Variants in KIF13B observed in about 807,000 individuals in gnomAD.
KIF13B encodes the protein kinesin-like protein KIF13B.
KIF13B carries 127 observed loss-of-function variants against 222.0 expected under a neutral mutation model. The ratio of observed to expected loss-of-function variants is 0.57; its 90% confidence interval spans 0.50 to 0.66. KIF13B has a LOEUF of 0.66. Among genes scored for constraint, KIF13B ranks in the 30% least tolerant of loss-of-function variants. KIF13B has a pLI of 0.00. For missense variants in KIF13B, 2,173 were observed against 2,379.0 expected (o/e 0.91, Z 1.80); for synonymous variants, 976 against 919.0 (o/e 1.06, Z -1.12).
At chr8:29,099,795 C>G (rs1374540304) in intron 35 of KIF13B, among the ~76,000 whole-genome samples, 1 of 149,092 alleles carries the variant, frequency 6.7e-6, no homozygotes, top group African/African-American at 2.5e-5. Context: ...CCATTAAGCT[C>G]TGTCCTAACA....
intron 37 of KIF13B, among the ~76,000 whole-genome samples, chr8:29,084,580 G>A (rs1479220886): frequency 6.6e-6 from 1 of 152,112 alleles, no homozygotes; most frequent in Non-Finnish European, 1.5e-5. Flanking sequence ...AAGACAGGCC[G>A]GCATTGTGAC....
At chr8:29,192,847 C>T (rs1813246956) in intron 3 of KIF13B, among the ~76,000 whole-genome samples, 1 of 151,910 alleles carries the variant, frequency 6.6e-6, no homozygotes, top group African/African-American at 2.4e-5. Context: ...GGTTTTGAAA[C>T]CAAGAGTGCT....
chr8:29,158,074 G>A (rs1364106982), intron 13 of KIF13B, among the ~76,000 whole-genome samples: 1 of 152,028 alleles, frequency 6.6e-6, no homozygotes, highest in Admixed American at 6.6e-5. Flanking sequence ...TGTTTCCTCC[G>A]TCTGAAATGT....
chr8:29,099,609 C>T (rs1239125017), intron 35 of KIF13B, among the ~76,000 whole-genome samples: 1 of 152,150 alleles, frequency 6.6e-6, no homozygotes, highest in African/African-American at 2.4e-5. Context: ...CAGCATCAAG[C>T]AATCCTCCTT....
chr8:29,251,470 T>C (rs11136061), intron 1 of KIF13B, among the ~76,000 whole-genome samples: 43,186 of 152,006 alleles, frequency 0.28, 7,782 homozygotes, highest in East Asian at 0.64. Context: ...TTCTGACGCA[T>C]CATATCATGA....
intron 2 of KIF13B, among the ~76,000 whole-genome samples, chr8:29,239,640 A>C (rs1815671365): frequency 6.6e-6 from 1 of 152,030 alleles, no homozygotes; most frequent in Non-Finnish European, 1.5e-5. Flanking sequence ...ACATTACACA[A>C]TATACCCTTG....
At chr8:29,178,477 A>G (rs1812574683) in intron 8 of KIF13B, among the ~76,000 whole-genome samples, 1 of 152,184 alleles carries the variant, frequency 6.6e-6, no homozygotes, top group Admixed American at 6.5e-5. Flanking sequence ...TCAAGCACAT[A>G]CATGTAACAT....
chr8:29,073,531 G>C (rs969918116), intron 38 of KIF13B, among the ~76,000 whole-genome samples: 3 of 152,210 alleles, frequency 2.0e-5, no homozygotes, highest in Admixed American at 2.0e-4. Context: ...CCGAAGAAAA[G>C]GAGAAGGCAG....
At position 29,263,043 on chromosome 8, in the gene KIF13B, CGCCGA is replaced by C; in HGVS notation, c.-14_-10del. 6.3e-7 allele frequency: 1 copy of C among 1,590,896 alleles called. No homozygotes were observed. Among genetic ancestry groups the C allele is most frequent in the Non-Finnish European group, 8.5e-7 (1 of 1,170,570 alleles). On this transcript the variant is annotated 5_prime_UTR_variant, in exon 1 of 40. Coordinates refer to ENST00000524189, the MANE Select transcript of KIF13B (RefSeq NM_015254.4). ...ACTTTGGAGTCCCCCATCCTGCAGC[CGCCGA>C]GGAACTCGTTCGGCTTCCGTCTGCC...
intron 10 of KIF13B, 28 bp downstream of exon 10, chr8:29,176,040 G>T: frequency 1.5e-6 from 2 of 1,339,314 alleles, no homozygotes; most frequent in South Asian, 1.2e-5. Context: ...CCAAAAGTAT[G>T]CCAGGAAGGG....
intron 3 of KIF13B, among the ~76,000 whole-genome samples, chr8:29,191,545 A>G (rs1395015979): frequency 6.6e-6 from 1 of 152,222 alleles, no homozygotes; most frequent in African/African-American, 2.4e-5. Flanking sequence ...AGACTTACTA[A>G]TTTAAAAAAA....
intron 11 of KIF13B, 23 bp downstream of exon 11, chr8:29,167,350 G>GC: frequency 6.3e-7 from 1 of 1,577,278 alleles, no homozygotes; most frequent in South Asian, 1.1e-5. Flanking sequence ...GACTCACAGG[G>GC]CGCACGCGGT....
intron 37 of KIF13B, among the ~76,000 whole-genome samples, chr8:29,089,593 G>A (rs909679377): frequency 1.3e-5 from 2 of 151,996 alleles, no homozygotes; most frequent in Admixed American, 6.6e-5. Flanking sequence ...AATAACTCCC[G>A]ATAAAAAGGT....
chr8:29,198,689 C>T (rs143963436), intron 2 of KIF13B, among the ~76,000 whole-genome samples: 2 of 152,288 alleles, frequency 1.3e-5, no homozygotes, highest in East Asian at 1.9e-4. Flanking sequence ...TATGGGTATG[C>T]ACCCAAAGGA....
At chr8:29,088,731 T>C (rs1439525464) in intron 37 of KIF13B, among the ~76,000 whole-genome samples, 3 of 152,236 alleles carry the variant, frequency 2.0e-5, no homozygotes, top group Non-Finnish European at 4.4e-5. Flanking sequence ...GCACTAAAAA[T>C]GCCCTTTTTC....
Position 29,202,004 on chromosome 8 carries a change from C to T in KIF13B, c.150-5805G>A, listed in dbSNP as rs760304234. Among the ~76,000 whole-genome samples the T allele has an allele frequency of 2.5e-4, 38 of 152,294 alleles. No individual in the cohort carries two copies. In the Middle Eastern group the frequency reaches 0.01, roughly 41 times the overall value. ...AAGAAGTACAAATATCACAAAAAGC[C>T]CTGTTCGTTGTGTCCTCAATATCTA... On this transcript the variant is annotated intron_variant, in intron 2 of 39. Transcript: ENST00000524189.
chr8:29,134,627 G>A (rs987459144), intron 21 of KIF13B, among the ~76,000 whole-genome samples: 5 of 152,160 alleles, frequency 3.3e-5, no homozygotes, highest in African/African-American at 1.2e-4. Flanking sequence ...AACAAAATCG[G>A]TGTATGGGCC....
intron 2 of KIF13B, among the ~76,000 whole-genome samples, chr8:29,232,458 T>TTATAAAGAAAGA (rs1452475323): frequency 7.0e-6 from 1 of 142,852 alleles, no homozygotes; most frequent in African/African-American, 2.6e-5. Flanking sequence ...ATATATATAC[T>TTATAAAGAAAGA]TATAAAGAAA....
chr8:29,138,611 T>A (rs1427345404), intron 21 of KIF13B: 1 of 152,210 alleles, frequency 6.6e-6, no homozygotes, highest in East Asian at 1.9e-4. Context: ...GGCCACCACC[T>A]ACAAAGCACC....
Sources: gnomAD v4.1 joint callset for allele counts (sites outside exome capture counted in the v4.1 genomes callset) on GRCh38, gnomAD v4.1.1 for gene constraint, MANE v1.5 for transcripts, NCBI Gene and HGNC (gene_info 2026-07-23, HGNC 2026-07-21) for gene names.